Variants in LRRC69 observed in about 807,000 individuals in gnomAD.
LRRC69 encodes the protein leucine rich repeat containing 69, also known as leucine-rich repeat-containing protein 69.
A neutral mutation model predicts 37.8 loss-of-function variants in LRRC69; 42 were observed. The ratio of observed to expected loss-of-function variants is 1.11; its 90% CI spans 0.87 to 1.44. The LOEUF is 1.44. Among genes scored for constraint, LRRC69 ranks in the 40% most tolerant of loss-of-function variants. The pLI is 0.00. For missense variants in LRRC69, 357 were observed against 401.9 expected (o/e 0.89, Z 0.96); for synonymous variants, 141 against 143.1 (o/e 0.99, Z 0.11).
intron 1 of LRRC69, among the ~76,000 whole-genome samples, chr8:91,116,599 C>G (rs1450857094): frequency 6.6e-6 from 1 of 151,676 alleles, no homozygotes; most frequent in African/African-American, 2.4e-5. Context: ...ATAGTAAATT[C>G]CTTTTAAAGA....
At chr8:91,158,065 C>T in intron 5 of LRRC69, 2 of 1,380,344 alleles carry the variant, frequency 1.4e-6, no homozygotes, top group South Asian at 1.2e-5. Context: ...CCACAAGGCC[C>T]TACTCAATAC....
intron 5 of LRRC69, among the ~76,000 whole-genome samples, chr8:91,151,643 C>G (rs1041724256): frequency 2.0e-5 from 3 of 151,498 alleles, no homozygotes; most frequent in Non-Finnish European, 2.9e-5. Context: ...ATTTATATCC[C>G]TTTGGGTATT....
chr8:91,116,784 A>G (rs1265788991), intron 1 of LRRC69, among the ~76,000 whole-genome samples: 2 of 151,992 alleles, frequency 1.3e-5, no homozygotes, highest in Non-Finnish European at 2.9e-5. Flanking sequence ...AGTGTTTCAT[A>G]TATTTGGCAC....
chr8:91,103,896 T>A (rs1463323363), intron 1 of LRRC69, among the ~76,000 whole-genome samples: 1 of 151,950 alleles, frequency 6.6e-6, no homozygotes, highest in Non-Finnish European at 1.5e-5. Context: ...CTCCCTCTAT[T>A]TGAATTTATT....
intron 1 of LRRC69, among the ~76,000 whole-genome samples, chr8:91,109,136 G>A (rs1295198988): frequency 6.9e-6 from 1 of 144,532 alleles, no homozygotes; most frequent in Non-Finnish European, 1.5e-5. Context: ...CTGGTACAAG[G>A]GCACATAGTA....
intron 5 of LRRC69, among the ~76,000 whole-genome samples, chr8:91,164,760 C>T (rs1486045014): frequency 6.6e-6 from 1 of 151,628 alleles, no homozygotes; most frequent in Non-Finnish European, 1.5e-5. Flanking sequence ...GATTAAGGTA[C>T]TTTTCTCAAT....
In LRRC69 at chr8:91,206,893, G is replaced by A. The variant is rs188535490; in HGVS notation, c.933+6101G>A. 1.6e-3 allele frequency: 2,030 copies of A among 1,233,998 alleles called. 63 individuals are homozygous for A. The Admixed American group carries it at 0.047, about 28-fold the overall frequency. 76.4% of individuals were successfully genotyped at this position (1,233,998 alleles called of 1,614,324 possible). On this transcript the variant is annotated intron_variant, in intron 7 of 7. Transcript: ENST00000448384. Reference sequence around the variant, plus strand: ...AGCTGCCAAGTAGAGGATATGGGCAGGGAACTCATACATGTTATTCCTGAT... The same window carrying A: ...AGCTGCCAAGTAGAGGATATGGGCAAGGAACTCATACATGTTATTCCTGAT...
In LRRC69 at chr8:91,218,872, T is replaced by C; in HGVS notation, c.934-18T>C. On this transcript the variant is annotated intron_variant, in intron 7 of 7. Transcript: ENST00000448384. ...ATTGAACACTGCCTAAATTTTATTT[T>C]TAATCTTTACTTTTTAGGACTGGAA... 1 of 1,475,846 alleles carries C rather than the reference T, an allele frequency of 6.8e-7. No individual in the cohort carries two copies. The highest frequency in any genetic ancestry group is 1.2e-5 in the South Asian group (1 of 80,328). The allele number at this position is 1,475,846 out of a possible 1,614,324, so 91.4% of individuals were successfully genotyped here.
intron 5 of LRRC69, among the ~76,000 whole-genome samples, chr8:91,148,408 G>T (rs1808663290): frequency 6.6e-6 from 1 of 151,768 alleles, no homozygotes; most frequent in Non-Finnish European, 1.5e-5. Context: ...CAAAGGACAT[G>T]AACTCATCAT....
At chr8:91,139,862 G>T (rs1429202127) in intron 5 of LRRC69, among the ~76,000 whole-genome samples, 1 of 151,588 alleles carries the variant, frequency 6.6e-6, no homozygotes, top group Non-Finnish European at 1.5e-5. Context: ...GCCGAAGTGG[G>T]CGGATCACCT....
At chr8:91,107,919 C>G (rs1315422899) in intron 1 of LRRC69, among the ~76,000 whole-genome samples, 1 of 152,032 alleles carries the variant, frequency 6.6e-6, no homozygotes, top group Non-Finnish European at 1.5e-5. Context: ...TTTTTACTTA[C>G]TAACTCATAT....
chr8:91,170,331 G>C (rs550720564), intron 5 of LRRC69, among the ~76,000 whole-genome samples: 1 of 150,530 alleles, frequency 6.6e-6, no homozygotes, highest in Admixed American at 6.6e-5. Flanking sequence ...TACTGCCCAA[G>C]GTAATTTACA....
intron 5 of LRRC69, among the ~76,000 whole-genome samples, chr8:91,174,056 T>TTTTTTTTTTTTTTTTTTTA (rs1554594428): frequency 6.6e-6 from 1 of 152,014 alleles, no homozygotes; most frequent in Non-Finnish European, 1.5e-5. Flanking sequence ...CTTATTTTTC[T>TTTTTTTTTTTTTTTTTTTA]ACAATGCCTT....
intron 1 of LRRC69, among the ~76,000 whole-genome samples, chr8:91,115,965 G>A (rs575464904): frequency 5.3e-5 from 8 of 152,000 alleles, no homozygotes; most frequent in South Asian, 2.1e-4. Context: ...TCTCTTCACC[G>A]TGAGCCAGGT....
intron 7 of LRRC69, among the ~76,000 whole-genome samples, chr8:91,210,562 G>GACACACACACACACACACACACACAC (rs35968986): frequency 1.4e-5 from 2 of 146,096 alleles, no homozygotes; most frequent in African/African-American, 5.0e-5. Context: ...CACACACACA[G>GACACACACACACACACACACACACAC]ACACACACAC....
rs540398270 is a variant in LRRC69 at position 91,155,964 on chromosome 8, T to C, written c.651+20225T>C. On this transcript the variant is annotated intron_variant, in intron 5 of 7. Transcript: ENST00000448384. Reference sequence around the variant, plus strand: ...ATATATATATGAAACATTTTCCTTATTCCTTAATCTTTTGCTGGATACTTA... The same window carrying C: ...ATATATATATGAAACATTTTCCTTACTCCTTAATCTTTTGCTGGATACTTA... Among the ~76,000 whole-genome samples the C allele has an allele frequency of 3.3e-5, 5 of 150,112 alleles. No individual in the cohort carries two copies. In the East Asian group the frequency reaches 9.8e-4, roughly 30 times the overall value.
At chr8:91,157,474 T>G (rs957103191) in intron 5 of LRRC69, 10 of 1,600,058 alleles carry the variant, frequency 6.2e-6, no homozygotes, top group Non-Finnish European at 7.7e-6. Flanking sequence ...GAAAGGAAGT[T>G]TACATGCAAA....
At chr8:91,141,935 A>G (rs1808539683) in intron 5 of LRRC69, among the ~76,000 whole-genome samples, 1 of 152,004 alleles carries the variant, frequency 6.6e-6, no homozygotes, top group Non-Finnish European at 1.5e-5. Context: ...TCATCGTGGG[A>G]TTTCTGGGAA....
intron 5 of LRRC69, among the ~76,000 whole-genome samples, chr8:91,165,337 A>G (rs1033178282): frequency 1.3e-5 from 2 of 151,678 alleles, no homozygotes; most frequent in Non-Finnish European, 2.9e-5. Flanking sequence ...GGGTTAGTAA[A>G]AGACTTAGGC....
Sources: gnomAD v4.1 joint callset for allele counts (sites outside exome capture counted in the v4.1 genomes callset) on GRCh38, gnomAD v4.1.1 for gene constraint, MANE v1.5 for transcripts, NCBI Gene and HGNC (gene_info 2026-07-23, HGNC 2026-07-21) for gene names.